DNER: variants seen among roughly 807,000 people sequenced by gnomAD.
DNER encodes the protein delta/notch like EGF repeat containing, also known as delta and Notch-like epidermal growth factor-related receptor.
A neutral mutation model predicts 78.2 loss-of-function variants in DNER; 33 were observed. The observed-to-expected ratio is 0.42, with a 90% CI of 0.32 to 0.56. The LOEUF (loss-of-function observed/expected upper bound fraction) is 0.56. Among genes scored for constraint, DNER ranks in the 20% least tolerant of loss-of-function variants. The pLI is 0.11. For missense variants in DNER, 918 were observed against 975.3 expected (o/e 0.94, Z 0.78); for synonymous variants, 417 against 384.8 (o/e 1.08, Z -0.98).
At chr2:229,665,841 T>A (rs1282302825) in intron 1 of DNER, among the ~76,000 whole-genome samples, 1 of 152,172 alleles carries the variant, frequency 6.6e-6, no homozygotes, top group Non-Finnish European at 1.5e-5. Context: ...TCCCTCTCCA[T>A]CTCTGTGAGT....
At chr2:229,391,119 A>C (rs139152068) in intron 10 of DNER, among the ~76,000 whole-genome samples, 1 of 152,194 alleles carries the variant, frequency 6.6e-6, no homozygotes, top group African/African-American at 2.4e-5. Context: ...TACAGTGATC[A>C]TGCTTTTTGC....
intron 6 of DNER, 27 bp downstream of exon 6, chr2:229,512,756 T>C: frequency 6.2e-7 from 1 of 1,613,694 alleles, no homozygotes; most frequent in East Asian, 2.2e-5. Flanking sequence ...ATACACCTAA[T>C]AACTGAACCA....
intron 11 of DNER, among the ~76,000 whole-genome samples, chr2:229,369,325 T>C (rs1471715238): frequency 8.7e-5 from 13 of 149,304 alleles, no homozygotes; most frequent in South Asian, 2.1e-4. Context: ...GTTTTAACTT[T>C]CTAAAAAGTT....
intron 7 of DNER, among the ~76,000 whole-genome samples, chr2:229,453,143 G>A (rs1231028321): frequency 1.3e-5 from 2 of 152,200 alleles, no homozygotes; most frequent in African/African-American, 2.4e-5. Flanking sequence ...ATGAAAGAAA[G>A]ATATTAATGC....
At chr2:229,563,373 T>TCAA (rs2154213669) in intron 4 of DNER, among the ~76,000 whole-genome samples, 1 of 149,024 alleles carries the variant, frequency 6.7e-6, no homozygotes, top group Admixed American at 6.7e-5. Context: ...ACCATCATCA[T>TCAA]CATCCTCACC....
chr2:229,635,190 C>A (rs971067352), intron 1 of DNER, among the ~76,000 whole-genome samples: 5 of 152,020 alleles, frequency 3.3e-5, no homozygotes, highest in African/African-American at 1.2e-4. Context: ...GATGCTCTGG[C>A]TTTTTCCTGG....
At chr2:229,540,742 G>A (rs1323272199) in intron 5 of DNER, among the ~76,000 whole-genome samples, 1 of 152,210 alleles carries the variant, frequency 6.6e-6, no homozygotes, top group Non-Finnish European at 1.5e-5. Context: ...GGCCAGAAAT[G>A]CAAGAGCTTC....
intron 6 of DNER, among the ~76,000 whole-genome samples, chr2:229,499,155 G>T (rs1695561022): frequency 6.6e-6 from 1 of 152,066 alleles, no homozygotes; most frequent in South Asian, 2.1e-4. Flanking sequence ...AACATAAAAT[G>T]GGGAACAGGG....
At chr2:229,667,009 C>T (rs188210983) in intron 1 of DNER, among the ~76,000 whole-genome samples, 2 of 152,226 alleles carry the variant, frequency 1.3e-5, no homozygotes, top group Non-Finnish European at 2.9e-5. Flanking sequence ...AAAAGAGTCA[C>T]CCCGGCAGAG....
chr2:229,446,448 G>C (rs764438559), intron 8 of DNER, among the ~76,000 whole-genome samples: 2 of 152,312 alleles, frequency 1.3e-5, no homozygotes, highest in East Asian at 3.9e-4. Flanking sequence ...GTAACGGGGA[G>C]CACGCATTCC....
chr2:229,392,553 C>T (rs933457205), intron 10 of DNER, among the ~76,000 whole-genome samples: 1 of 152,020 alleles, frequency 6.6e-6, no homozygotes, highest in South Asian at 2.1e-4. Context: ...TTGCTGAAGA[C>T]GTGTGTGTGT....
chr2:229,653,196 G>A (rs887656761), intron 1 of DNER, among the ~76,000 whole-genome samples: 3 of 152,210 alleles, frequency 2.0e-5, no homozygotes, highest in African/African-American at 7.2e-5. Flanking sequence ...CAGATTCGGG[G>A]AGAAAATCAC....
chr2:229,516,012 G>A (rs995444504), intron 5 of DNER, among the ~76,000 whole-genome samples: 2 of 152,186 alleles, frequency 1.3e-5, no homozygotes, highest in African/African-American at 4.8e-5. Flanking sequence ...TTTATTGCAA[G>A]CAGGAACCTT....
chr2:229,466,123 T>C (rs1163944032), intron 7 of DNER, among the ~76,000 whole-genome samples: 1 of 152,124 alleles, frequency 6.6e-6, no homozygotes, highest in Admixed American at 6.6e-5. Context: ...TTCCAAGTGC[T>C]AAAATTCTTC....
At chr2:229,706,850 A>G (rs1699834659) in intron 1 of DNER, among the ~76,000 whole-genome samples, 3 of 152,152 alleles carry the variant, frequency 2.0e-5, no homozygotes, top group Admixed American at 1.3e-4. Context: ...GGCTGGGATT[A>G]CAGGTGTAAG....
chr2:229,460,973 A>C (rs1054980835), intron 7 of DNER, among the ~76,000 whole-genome samples: 2 of 152,110 alleles, frequency 1.3e-5, no homozygotes, highest in African/African-American at 4.8e-5. Context: ...CTGCAAGTCA[A>C]AGCTAAAGCA....
rs77429257 is a variant in DNER at position 229,560,076 on chromosome 2, A to G, written c.848-12984T>C. On this transcript the variant is annotated intron_variant, in intron 4 of 12. Transcript: ENST00000341772. Reference sequence around the variant, plus strand: ...CTCTGGAATGGAGTGGTCAAGCATCAGTGGAAGCACAAAATGCTGGGCTTC... The same window carrying G: ...CTCTGGAATGGAGTGGTCAAGCATCGGTGGAAGCACAAAATGCTGGGCTTC... 6.7e-3 allele frequency among the ~76,000 whole-genome samples: 1,015 copies of G among 152,344 alleles called. 12 individuals are homozygous for G. Among genetic ancestry groups the G allele is most frequent in the African/African-American group, 0.023 (976 of 41,582 alleles).
intron 1 of DNER, among the ~76,000 whole-genome samples, chr2:229,632,255 C>G (rs537761146): frequency 6.6e-6 from 1 of 152,274 alleles, no homozygotes; most frequent in Admixed American, 6.5e-5. Flanking sequence ...TTCTAAGAAG[C>G]CTGCAAATTC....
chr2:229,637,223 C>A (rs1698545198), intron 1 of DNER, among the ~76,000 whole-genome samples: 1 of 152,186 alleles, frequency 6.6e-6, no homozygotes, highest in Non-Finnish European at 1.5e-5. Flanking sequence ...CAATATCTAC[C>A]CAACCCCATC....
Sources: allele counts gnomAD v4.1 joint callset (sites outside exome capture counted in the v4.1 genomes callset), GRCh38; gene constraint gnomAD v4.1.1; transcripts MANE v1.5; gene names NCBI Gene and HGNC (gene_info 2026-07-23, HGNC 2026-07-21).